NAALADL2: variants seen among roughly 807,000 people sequenced by gnomAD.
NAALADL2 encodes the protein N-acetylated alpha-linked acidic dipeptidase like 2.
A neutral mutation model predicts 87.2 loss-of-function variants in NAALADL2; 76 were observed. That is an observed-to-expected ratio of 0.87 (90% confidence interval 0.72 to 1.05). The LOEUF is 1.05. Among genes scored for constraint, NAALADL2 ranks in the 50% least tolerant of loss-of-function variants. The pLI, the probability that NAALADL2 is intolerant of heterozygous loss-of-function variation, is 0.00. For synonymous variants in NAALADL2, 354 were observed against 331.0 expected, an observed-to-expected ratio of 1.07 and a Z score of -0.75; for missense variants, 1,089 against 945.8, an observed-to-expected ratio of 1.15 and a Z score of -1.99.
intron 2 of NAALADL2, among the ~76,000 whole-genome samples, chr3:174,652,896 A>G (rs961694827): frequency 6.6e-6 from 1 of 152,198 alleles, no homozygotes. Flanking sequence ...ATGGAAAAAT[A>G]GGCAAAAGAC....
chr3:174,594,774 A>T (rs551736303), intron 2 of NAALADL2, among the ~76,000 whole-genome samples: 3 of 152,310 alleles, frequency 2.0e-5, no homozygotes, highest in African/African-American at 7.2e-5. Flanking sequence ...TTAACCAGAG[A>T]TCCAGATGAT....
At chr3:174,650,829 A>C (rs1381828920) in intron 2 of NAALADL2, among the ~76,000 whole-genome samples, 3 of 152,318 alleles carry the variant, frequency 2.0e-5, no homozygotes, top group Middle Eastern at 3.4e-3. Context: ...GCCAGGCTTC[A>C]GTGAAGTTGC....
intron 3 of NAALADL2, among the ~76,000 whole-genome samples, chr3:174,834,726 C>T (rs1723133217): frequency 6.6e-6 from 1 of 151,458 alleles, no homozygotes; most frequent in Non-Finnish European, 1.5e-5. Flanking sequence ...TGCTTTAAGA[C>T]AAATTTAAGA....
intron 2 of NAALADL2, among the ~76,000 whole-genome samples, chr3:175,101,715 A>G (rs1001596548): frequency 6.6e-6 from 1 of 152,206 alleles, no homozygotes; most frequent in African/African-American, 2.4e-5. Flanking sequence ...TAATAATAAG[A>G]TATTTGAATG....
chr3:175,409,585 G>A (rs189114427), intron 5 of NAALADL2, among the ~76,000 whole-genome samples: 61 of 151,832 alleles, frequency 4.0e-4, no homozygotes, highest in South Asian at 6.2e-4. Context: ...TGTAATTTAT[G>A]TTATTTAAAC....
chr3:175,692,176 T>TA (rs1411904841), intron 11 of NAALADL2, among the ~76,000 whole-genome samples: 1 of 152,178 alleles, frequency 6.6e-6, no homozygotes, highest in African/African-American at 2.4e-5. Context: ...GGGACTTACC[T>TA]ATGTTCATAG....
chr3:175,793,183 A>C (rs1390043284), intron 13 of NAALADL2, among the ~76,000 whole-genome samples: 1 of 152,194 alleles, frequency 6.6e-6, no homozygotes, highest in Non-Finnish European at 1.5e-5. Flanking sequence ...TCTCCTAAAC[A>C]ATAAAGCACA....
chr3:175,473,047 T>C (rs1372155628), intron 9 of NAALADL2, among the ~76,000 whole-genome samples: 1 of 152,166 alleles, frequency 6.6e-6, no homozygotes, highest in Non-Finnish European at 1.5e-5. Flanking sequence ...AAGTTTTATA[T>C]TTTGAGAATC....
chr3:175,416,131 A>T (rs1250610610), intron 5 of NAALADL2, among the ~76,000 whole-genome samples: 1 of 151,998 alleles, frequency 6.6e-6, no homozygotes, highest in Non-Finnish European at 1.5e-5. Flanking sequence ...TAAAATAAAT[A>T]AATAAATAAA....
Position 175,093,414 on chromosome 3 carries a change from T to TATATATATATATATATATATATATATA in NAALADL2, c.44-3376_44-3375insATATATATATATATATATATATATATA, listed in dbSNP as rs1553771396. 4.8e-4 allele frequency among the ~76,000 whole-genome samples: 56 copies of TATATATATATATATATATATATATATA among 117,690 alleles called. 1 individual carries two copies. The highest frequency in any genetic ancestry group is 2.1e-3 in the African/African-American group (52 of 24,302). The allele number at this position is 117,690 out of a possible 152,430, so 77.2% of individuals were successfully genotyped here. On this transcript the variant is annotated intron_variant, in intron 1 of 13. Transcript: ENST00000454872. ...TTTTTTTGTTGAGTTCATTTTATTT[T>TATATATATATATATATATATATATATA]TTTATATATATATATATATGTTTTA... is the stretch of plus-strand genomic sequence containing the variant.
At chr3:174,637,529 A>G (rs1321106820) in intron 2 of NAALADL2, among the ~76,000 whole-genome samples, 1 of 152,116 alleles carries the variant, frequency 6.6e-6, no homozygotes, top group Non-Finnish European at 1.5e-5. Context: ...CAGCAATAAA[A>G]GGATTTTTAG....
At chr3:174,450,846 G>A (rs1365551023) in intron 1 of NAALADL2, among the ~76,000 whole-genome samples, 1 of 135,712 alleles carries the variant, frequency 7.4e-6, no homozygotes. Context: ...CTCCAGCCTG[G>A]GCAACAGAAT....
At position 175,013,173 on chromosome 3, in the gene NAALADL2, C is replaced by CATATTTATATATAAATATGTAATAT. The variant is rs1560475472; in HGVS notation, c.44-83599_44-83598insGTAATATATATTTATATATAAATAT. ...CATATTTATATATAAATATGTAATACATATTTATATATAAATATATATACA... is the reference window on the plus strand; with the variant it reads ...CATATTTATATATAAATATGTAATACATATTTATATATAAATATGTAATATATATTTATATATAAATATATATACA... On this transcript the variant is annotated intron_variant, in intron 1 of 13. Transcript: ENST00000454872. 3.4e-4 allele frequency among the ~76,000 whole-genome samples: 28 copies of CATATTTATATATAAATATGTAATAT among 81,904 alleles called. 10 individuals are homozygous for CATATTTATATATAAATATGTAATAT. Among genetic ancestry groups the CATATTTATATATAAATATGTAATAT allele is most frequent in the African/African-American group, 2.6e-3 (28 of 10,602 alleles). 53.7% of individuals were successfully genotyped at this position (81,904 alleles called of 152,430 possible).
At chr3:175,074,127 A>G (rs1409886365) in intron 1 of NAALADL2, among the ~76,000 whole-genome samples, 1 of 152,086 alleles carries the variant, frequency 6.6e-6, no homozygotes, top group African/African-American at 2.4e-5. Flanking sequence ...GGTTCTCAAT[A>G]GCTGTTAAAT....
Position 175,151,919 on chromosome 3 carries a change from T to G in NAALADL2, c.545+54628T>G, listed in dbSNP as rs546651568. Reference sequence around the variant, plus strand: ...TGAAGGGAACATAGTAATTACCAAATGTATTTTATAACTTATTCTATCATA... The same window carrying G: ...TGAAGGGAACATAGTAATTACCAAAGGTATTTTATAACTTATTCTATCATA... On this transcript the variant is annotated intron_variant, in intron 2 of 13. Coordinates refer to ENST00000454872, the MANE Select transcript of NAALADL2 (RefSeq NM_207015.3). Among the ~76,000 whole-genome samples the G allele has an allele frequency of 9.2e-4, 140 of 152,326 alleles. 5 individuals are homozygous for G. In the South Asian group the frequency reaches 0.028, roughly 30 times the overall value.
intron 2 of NAALADL2, among the ~76,000 whole-genome samples, chr3:174,618,336 T>C (rs1363800629): frequency 6.6e-6 from 1 of 151,762 alleles, no homozygotes; most frequent in African/African-American, 2.4e-5. Context: ...TGCTGTATTG[T>C]GGCAAAAAGA....
At chr3:175,222,538 C>A (rs189059991) in intron 2 of NAALADL2, among the ~76,000 whole-genome samples, 6 of 152,228 alleles carry the variant, frequency 3.9e-5, no homozygotes, top group Admixed American at 6.5e-5. Flanking sequence ...ATTGGCATGT[C>A]CATAAGCAGA....
At chr3:174,808,165 G>A (rs1719723883) in intron 3 of NAALADL2, among the ~76,000 whole-genome samples, 1 of 151,960 alleles carries the variant, frequency 6.6e-6, no homozygotes, top group Non-Finnish European at 1.5e-5. Flanking sequence ...TCCACATACA[G>A]GTATCATTTG....
chr3:174,632,264 C>A (rs1722188969), intron 2 of NAALADL2, among the ~76,000 whole-genome samples: 1 of 152,050 alleles, frequency 6.6e-6, no homozygotes, highest in African/African-American at 2.4e-5. Context: ...TTCAATAAAC[C>A]AACATTTTTG....
Sources: allele counts gnomAD v4.1 joint callset (sites outside exome capture counted in the v4.1 genomes callset), GRCh38; gene constraint gnomAD v4.1.1; transcripts MANE v1.5; gene names NCBI Gene and HGNC (gene_info 2026-07-23, HGNC 2026-07-21).